SOX5: variants seen among roughly 807,000 people sequenced by gnomAD.
SOX5 encodes transcription factor SOX-5.
In SOX5, 9 loss-of-function variants were observed where a neutral mutation model predicts 92.0. That is an observed-to-expected ratio of 0.10 (90% CI 0.06 to 0.17). SOX5 has a LOEUF of 0.17. SOX5 is among the 10% of genes least tolerant of loss of function. The pLI is 1.00. For synonymous variants in SOX5, 344 were observed against 336.3 expected, an observed-to-expected ratio of 1.02 and a Z score of -0.25; for missense variants, 642 against 944.5, an observed-to-expected ratio of 0.68 and a Z score of 4.20.
intron 1 of SOX5, among the ~76,000 whole-genome samples, chr12:24,466,304 G>A (rs1944231912): frequency 6.6e-6 from 1 of 151,724 alleles, no homozygotes; most frequent in African/African-American, 2.4e-5. Flanking sequence ...GGAGTGCAGT[G>A]GCACAGTTAT....
intron 1 of SOX5, among the ~76,000 whole-genome samples, chr12:23,918,687 A>C (rs1044614166): frequency 4.0e-5 from 6 of 151,832 alleles, no homozygotes; most frequent in African/African-American, 1.5e-4. Context: ...GCACTTTGGG[A>C]GGCCCAGGTG....
chr12:24,431,028 C>T (rs1216494272), intron 1 of SOX5, among the ~76,000 whole-genome samples: 1 of 152,036 alleles, frequency 6.6e-6, no homozygotes. Flanking sequence ...CAAAATATGC[C>T]CCCCTTCCCA....
intron 3 of SOX5, among the ~76,000 whole-genome samples, chr12:24,261,287 C>T (rs535154708): frequency 1.8e-4 from 27 of 152,220 alleles, no homozygotes; most frequent in African/African-American, 6.5e-4. Flanking sequence ...GAAAAGGTAG[C>T]TGATGGACTC....
intron 4 of SOX5, among the ~76,000 whole-genome samples, chr12:24,184,520 G>A (rs892891635): frequency 1.3e-5 from 2 of 152,080 alleles, no homozygotes; most frequent in Admixed American, 6.6e-5. Context: ...TAAACATCAT[G>A]TTACTTTCAA....
chr12:24,294,179 C>T (rs1179986280), intron 2 of SOX5, among the ~76,000 whole-genome samples: 4 of 152,108 alleles, frequency 2.6e-5, no homozygotes, highest in African/African-American at 9.7e-5. Flanking sequence ...GTAAATAATG[C>T]TTAAATGACC....
chr12:24,307,516 A>ACC (rs1948731754), intron 2 of SOX5, among the ~76,000 whole-genome samples: 3 of 16,312 alleles, frequency 1.8e-4, no homozygotes, highest in African/African-American at 3.5e-4. Flanking sequence ...GAAGGAAGGA[A>ACC]GGCCGGCCCC....
In SOX5 at chr12:23,873,341, T is replaced by C. The variant is rs1346233385; in HGVS notation, c.270+22452A>G. On this transcript the variant is annotated intron_variant, in intron 2 of 14. Coordinates refer to ENST00000451604, the MANE Select transcript of SOX5 (RefSeq NM_006940.6). ...GCAGAAAATAAACCAGGCATGGTGG[T>C]ACACACCTGCAGCCCCAGCTACTGG... Among the ~76,000 whole-genome samples the C allele has an allele frequency of 6.6e-5, 10 of 151,882 alleles. No homozygotes were observed. In the East Asian group the frequency reaches 1.7e-3, roughly 27 times the overall value.
chr12:24,465,949 C>T (rs542459310), intron 1 of SOX5, among the ~76,000 whole-genome samples: 5 of 152,308 alleles, frequency 3.3e-5, no homozygotes, highest in South Asian at 2.1e-4. Flanking sequence ...CTTTCTACCA[C>T]CTTCGTCTAC....
chr12:24,121,712 C>A (rs1164527364), intron 4 of SOX5, among the ~76,000 whole-genome samples: 1 of 149,872 alleles, frequency 6.7e-6, no homozygotes, highest in Non-Finnish European at 1.5e-5. Context: ...GATGGTGAAA[C>A]CCCATCTCTA....
chr12:23,841,850 T>A (rs2096521072), intron 3 of SOX5, among the ~76,000 whole-genome samples: 1 of 152,112 alleles, frequency 6.6e-6, no homozygotes, highest in Non-Finnish European at 1.5e-5. Context: ...TTCTACATGA[T>A]ACTGTCAGTG....
intron 2 of SOX5, among the ~76,000 whole-genome samples, chr12:24,338,486 T>C (rs1952169322): frequency 6.6e-6 from 1 of 152,206 alleles, no homozygotes; most frequent in African/African-American, 2.4e-5. Flanking sequence ...TTTGGACCTG[T>C]AATTAGGAAA....
chr12:23,718,053 AC>A (rs1433658270), intron 6 of SOX5, among the ~76,000 whole-genome samples: 1 of 151,330 alleles, frequency 6.6e-6, no homozygotes, highest in Non-Finnish European at 1.5e-5. Flanking sequence ...AAAATTAAAG[AC>A]ATACTCCAAG....
intron 1 of SOX5, among the ~76,000 whole-genome samples, chr12:24,409,951 T>A (rs1963760349): frequency 6.6e-6 from 1 of 150,802 alleles, no homozygotes; most frequent in Non-Finnish European, 1.5e-5. Context: ...GCTTGGTTTT[T>A]CGTCTGTAGC....
intron 4 of SOX5, among the ~76,000 whole-genome samples, chr12:24,097,005 G>T (rs1163073123): frequency 6.6e-6 from 1 of 151,912 alleles, no homozygotes; most frequent in East Asian, 1.9e-4. Context: ...AGTGTTTGAG[G>T]GTTCTAATTT....
At chr12:24,442,272 C>G (rs1237967703) in intron 1 of SOX5, among the ~76,000 whole-genome samples, 1 of 152,126 alleles carries the variant, frequency 6.6e-6, no homozygotes, top group Non-Finnish European at 1.5e-5. Context: ...TAGATTATGT[C>G]CTCTTATCTT....
chr12:24,315,685 T>G (rs529468511), intron 2 of SOX5, among the ~76,000 whole-genome samples: 1 of 152,312 alleles, frequency 6.6e-6, no homozygotes, highest in African/African-American at 2.4e-5. Context: ...TATGAAAGTT[T>G]CTTTTTAAAT....
At position 24,050,935 on chromosome 12, in the gene SOX5, T is replaced by C. The variant is rs114944257; in HGVS notation, c.-1-154911A>G. The stretch of plus-strand genomic sequence containing the variant: ...TGTGAATATTCAAATATACATCTAA[T>C]CTTTCTACCAGAATAATTTTTCTCC... On this transcript the variant is annotated intron_variant, in intron 4 of 4. Transcript: ENST00000446891. Among the ~76,000 whole-genome samples, 940 of 152,280 alleles carry C rather than the reference T, an allele frequency of 6.2e-3. 13 individuals carry two copies. Among genetic ancestry groups the C allele is most frequent in the African/African-American group, 0.022 (911 of 41,572 alleles).
At chr12:23,828,754 A>C (rs1208248904) in intron 3 of SOX5, among the ~76,000 whole-genome samples, 1 of 89,760 alleles carries the variant, frequency 1.1e-5, no homozygotes, top group Non-Finnish European at 2.4e-5. Context: ...TCAGGACATC[A>C]AAAAAAAAAA....
intron 2 of SOX5, among the ~76,000 whole-genome samples, chr12:24,313,298 C>T (rs191418812): frequency 6.6e-6 from 1 of 152,048 alleles, no homozygotes; most frequent in African/African-American, 2.4e-5. Context: ...GAGGCCAAGG[C>T]GAGAGGATAG....
Sources: allele counts gnomAD v4.1 joint callset (sites outside exome capture counted in the v4.1 genomes callset), GRCh38; gene constraint gnomAD v4.1.1; transcripts MANE v1.5; gene names NCBI Gene and HGNC (gene_info 2026-07-23, HGNC 2026-07-21).